Variants in HELQ observed in about 807,000 individuals in gnomAD.
HELQ encodes helicase POLQ-like.
A neutral mutation model predicts 111.6 loss-of-function variants in HELQ; 77 were observed. The ratio of observed to expected loss-of-function variants is 0.69; its 90% confidence interval spans 0.57 to 0.83. The LOEUF (loss-of-function observed/expected upper bound fraction) is 0.83. Among genes scored for constraint, HELQ ranks in the 40% least tolerant of loss-of-function variants. HELQ has a pLI of 0.00. For missense variants in HELQ, 1,200 were observed against 1,288.5 expected (o/e 0.93, Z 1.05); for synonymous variants, 438 against 454.7 (o/e 0.96, Z 0.47).
At position 83,448,704 on chromosome 4, in the gene HELQ, CAA is replaced by C. The variant is rs1317750687; in HGVS notation, c.1191+77_1191+78del. 4.5e-6 allele frequency: 5 copies of C among 1,115,774 alleles called. No homozygotes were observed. In the Admixed American group the frequency reaches 9.2e-5, roughly 21 times the overall value. The allele number at this position is 1,115,774 out of a possible 1,614,324, so 69.1% of individuals were successfully genotyped here. A position where few individuals can be genotyped will look rare whatever the true frequency, so the allele number is the denominator to read the frequency against. ...AAAAAAGAGGTACTTCTCAACAATA[CAA>C]AGTTATCACATTTACAGATCTTAAC... On this transcript the variant is annotated intron_variant, in intron 3 of 17. Coordinates refer to ENST00000295488, the MANE Select transcript of HELQ (RefSeq NM_133636.5).
At chr4:83,450,889 C>T (rs907070906) in intron 2 of HELQ, among the ~76,000 whole-genome samples, 1 of 152,122 alleles carries the variant, frequency 6.6e-6, no homozygotes, top group African/African-American at 2.4e-5. Context: ...TTGCTTGAGC[C>T]TGGGAGGTTG....
intron 14 of HELQ, among the ~76,000 whole-genome samples, chr4:83,425,153 G>T (rs1426013343): frequency 6.6e-6 from 1 of 151,610 alleles, no homozygotes; most frequent in East Asian, 2.0e-4. Flanking sequence ...GGTGGCAGGC[G>T]CCTGTAATCC....
At chr4:83,450,949 T>C (rs900232678) in intron 2 of HELQ, among the ~76,000 whole-genome samples, 6 of 152,052 alleles carry the variant, frequency 3.9e-5, no homozygotes, top group Non-Finnish European at 1.5e-5. Context: ...TTCCTAGAGG[T>C]TCTGACGCAG....
chr4:83,438,176 T>C (rs1720562514), intron 8 of HELQ, among the ~76,000 whole-genome samples: 1 of 152,180 alleles, frequency 6.6e-6, no homozygotes, highest in Non-Finnish European at 1.5e-5. Flanking sequence ...GAGGTAGAGG[T>C]TGACTAGATT....
intron 17 of HELQ, among the ~76,000 whole-genome samples, chr4:83,415,269 T>A (rs941810133): frequency 6.6e-6 from 1 of 151,970 alleles, no homozygotes; most frequent in Admixed American, 6.6e-5. Flanking sequence ...GATTATTTAA[T>A]ACAGATAAAA....
intron 10 of HELQ, 78 bp downstream of exon 10, chr4:83,432,048 A>C (rs1339671353): frequency 1.1e-6 from 1 of 892,800 alleles, no homozygotes; most frequent in Non-Finnish European, 1.6e-6. Flanking sequence ...TTAATTTTTA[A>C]AAGATGATTT....
chr4:83,453,872 T>A lies in HELQ; in HGVS notation c.371A>T (p.Asp124Val). 1 of 1,614,056 alleles carries A rather than the reference T, an allele frequency of 6.2e-7. No individual in the cohort carries two copies. Among genetic ancestry groups the A allele is most frequent in the Admixed American group, 1.7e-5 (1 of 60,016 alleles). Residue 124 changes from aspartate to valine, a missense_variant, in exon 2 of 18, where the codon GAC (aspartate) becomes GTC (valine). Asp to Val is a radical substitution (Grantham distance 152, BLOSUM62 -3). This residue lies in a region of HELQ where 610 missense variants were observed against 607.1 expected (regional missense o/e 1.00). Transcript: ENST00000295488. ...TTGCATATATTTTTGTTCCAGGTCG[T>A]CAACTTGAGCTATAAAGGAGTTTTC... ...FTENSFIAQV[D>V]DLEQKYMQLP...
In HELQ at chr4:83,446,757, G is replaced by A. The variant is rs2110008479; in HGVS notation, c.1392+78C>T. 2.4e-6 allele frequency: 2 copies of A among 849,002 alleles called. 1 individual carries two copies. The highest frequency in any genetic ancestry group is 3.7e-6 in the Non-Finnish European group (2 of 535,690). The allele number at this position is 849,002 out of a possible 1,614,324, so 52.6% of individuals were successfully genotyped here. On this transcript the variant is annotated intron_variant, in intron 4 of 17. Coordinates refer to ENST00000295488, the MANE Select transcript of HELQ (RefSeq NM_133636.5). The stretch of plus-strand genomic sequence containing the variant: ...TTTTATAGAGGTACTAAGGTACTAA[G>A]TAGATCCACACAATAACCAGAATAA...
At chr4:83,430,274 T>TAA (rs141214516) in intron 11 of HELQ, among the ~76,000 whole-genome samples, 2,551 of 122,166 alleles carry the variant, frequency 0.021, 71 homozygotes, top group African/African-American at 0.069. Flanking sequence ...TAAAGTATAA[T>TAA]AAAAAAAAAA....
rs531797363 is a variant in HELQ, at chr4:83,426,806, TCCTCCCAC to T, written c.2677-722_2677-715del. 1.4e-3 allele frequency among the ~76,000 whole-genome samples: 206 copies of T among 152,212 alleles called. 1 individual carries two copies. The highest frequency in any genetic ancestry group is 2.2e-3 in the Non-Finnish European group (152 of 68,006). On this transcript the variant is annotated intron_variant, in intron 13 of 17. Transcript: ENST00000295488. Reference sequence around the variant, plus strand: ...GTCTCAAACTCCAGACCTCAAGTGATCCTCCCACCTTGGCCTCCCAAAGTGCTGGGATT... The same window carrying T: ...GTCTCAAACTCCAGACCTCAAGTGATCTTGGCCTCCCAAAGTGCTGGGATT...
intron 9 of HELQ, among the ~76,000 whole-genome samples, chr4:83,433,623 G>A (rs542566121): frequency 8.3e-4 from 115 of 139,342 alleles, no homozygotes; most frequent in African/African-American, 3.0e-3. Context: ...CGGAGATTGC[G>A]CCACTGCACT....
At position 83,453,942 on chromosome 4, in the gene HELQ, T is replaced by C. The variant is rs754586374; in HGVS notation, c.301A>G (p.Asn101Asp). ...PTDRGVGDQP[N>D]DSEVDMFGDY... ...CCAAACATGTCCACTTCACTGTCAT[T>C]AGGCTGCAAAGAGAACAAAAACGCT... Residue 101 changes from asparagine (N) to aspartate (D), a missense_variant, in exon 2 of 18, where the codon AAT becomes GAT. Asn to Asp is a conservative substitution (Grantham distance 23). Around this residue, in one of 3 missense-constraint regions of HELQ, gnomAD observed 610 missense variants for 607.1 expected, o/e 1.00. Transcript: ENST00000295488. The C allele has an allele frequency of 2.2e-5, 35 of 1,586,224 alleles. No individual in the cohort carries two copies. The highest frequency in any genetic ancestry group is 3.0e-5 in the Non-Finnish European group (35 of 1,160,356).
intron 2 of HELQ, among the ~76,000 whole-genome samples, chr4:83,452,380 C>A (rs1196223514): frequency 6.6e-6 from 1 of 152,110 alleles, no homozygotes; most frequent in Non-Finnish European, 1.5e-5. Context: ...AACTTAATTG[C>A]AGCTGTCTTT....
intron 17 of HELQ, among the ~76,000 whole-genome samples, chr4:83,412,688 G>T (rs187404937): frequency 6.6e-6 from 1 of 152,044 alleles, no homozygotes; most frequent in South Asian, 2.1e-4. Flanking sequence ...TTAGCCAGGC[G>T]TGGCACCTGT....
chr4:83,416,241 C>T (rs1315488106), intron 17 of HELQ, among the ~76,000 whole-genome samples: 1 of 150,998 alleles, frequency 6.6e-6, no homozygotes, highest in African/African-American at 2.4e-5. Flanking sequence ...AGGCACCATG[C>T]CTGGCATTTT....
Position 83,418,175 on chromosome 4 carries a change from A to G in HELQ, c.2981T>C (p.Leu994Pro). Residue 994 changes from leucine to proline, a missense_variant, in exon 16 of 18, where the codon CTT becomes CCT. This residue lies in a region of HELQ where 585 missense variants were observed against 665.3 expected (regional missense o/e 0.88). Transcript: ENST00000295488. Reference protein sequence around the residue: ...ELEEFWVYRALLVELTKKLTY... With the variant: ...ELEEFWVYRAPLVELTKKLTY... The stretch of plus-strand genomic sequence containing the variant: ...CAGCTTCTTGGTAAGTTCTACCAAA[A>G]GGGCTCTGTAAACCCAAAACTCCTC... 6.2e-7 allele frequency: 1 copy of G among 1,606,572 alleles called. No homozygotes were observed. The highest frequency in any genetic ancestry group is 8.5e-7 in the Non-Finnish European group (1 of 1,175,792).
In HELQ at chr4:83,426,078, A is replaced by G. The variant is rs1578077273; in HGVS notation, c.2691T>C (p.Ser897=). The G allele has an allele frequency of 6.2e-7, 1 of 1,601,244 alleles. No homozygotes were observed. Among genetic ancestry groups the G allele is most frequent in the Non-Finnish European group, 8.6e-7 (1 of 1,169,526 alleles). The change falls in exon 14 of 18, where the codon AGT becomes AGC. Residue 897 remains serine (S), a synonymous_variant. Coordinates refer to ENST00000295488, the MANE Select transcript of HELQ (RefSeq NM_133636.5). ...TGGCAGCTACATTTTGTTCTGCTGGACTGAGTTGGCTAAACTACATGGAAA... is the reference window on the plus strand; with the variant it reads ...TGGCAGCTACATTTTGTTCTGCTGGGCTGAGTTGGCTAAACTACATGGAAA... ...MIYFRQFSQL[S]PAEQNVAAIL... is the part of the protein sequence containing the mutation.
intron 2 of HELQ, among the ~76,000 whole-genome samples, chr4:83,452,826 G>A (rs1310622175): frequency 6.6e-6 from 1 of 152,210 alleles, no homozygotes; most frequent in Non-Finnish European, 1.5e-5. Context: ...TGAGAGCACA[G>A]AACCCAGAAT....
At chr4:83,411,473 G>A (rs953551798) in intron 17 of HELQ, among the ~76,000 whole-genome samples, 3 of 151,352 alleles carry the variant, frequency 2.0e-5, no homozygotes, top group Non-Finnish European at 2.9e-5. Flanking sequence ...GCATAGTGGT[G>A]CCCGCCTGTG....
Sources: allele counts gnomAD v4.1 joint callset (sites outside exome capture counted in the v4.1 genomes callset), GRCh38; gene constraint gnomAD v4.1.1; regional missense constraint gnomAD v4.1.1; transcripts MANE v1.5; gene names NCBI Gene and HGNC (gene_info 2026-07-23, HGNC 2026-07-21).